Variants in TRABD2B observed in about 807,000 individuals in gnomAD.
TRABD2B encodes TraB domain containing 2B, also known as metalloprotease TIKI2.
Under a neutral mutation model 40.1 loss-of-function variants are expected in TRABD2B, and 14 were observed. The observed-to-expected ratio is 0.35, with a 90% confidence interval of 0.23 to 0.55. The LOEUF is 0.55. TRABD2B is among the 20% of genes least tolerant of loss of function. The probability of loss-of-function intolerance (pLI) is 0.90; values close to 1 mark genes in which losing one functional copy is unlikely to be tolerated. For missense variants in TRABD2B, 541 were observed against 648.6 expected (o/e 0.83, Z 1.80); for synonymous variants, 263 against 277.0 (o/e 0.95, Z 0.50).
chr1:47,910,386 G>A lies in TRABD2B; in HGVS notation c.666+83648C>T, dbSNP rs186145676. ...TTCCTGACTACTCAGCCAGGATCAGGGACTCCTCCTGTCAGCTTTCACAGC... is the reference window on the plus strand; with the variant it reads ...TTCCTGACTACTCAGCCAGGATCAGAGACTCCTCCTGTCAGCTTTCACAGC... On this transcript the variant is annotated intron_variant, in intron 2 of 6. Coordinates refer to ENST00000606738, the MANE Select transcript of TRABD2B (RefSeq NM_001194986.2). Among the ~76,000 whole-genome samples the A allele has an allele frequency of 1.6e-3, 237 of 152,244 alleles. 1 individual carries two copies. The highest frequency in any genetic ancestry group is 5.2e-3 in the African/African-American group (214 of 41,538).
chr1:47,871,286 C>A (rs1226239929), intron 2 of TRABD2B, among the ~76,000 whole-genome samples: 2 of 152,118 alleles, frequency 1.3e-5, no homozygotes, highest in Non-Finnish European at 2.9e-5. Flanking sequence ...CAGGAAACCC[C>A]AGCATACGCC....
chr1:47,793,264 G>T (rs763433777), intron 4 of TRABD2B, among the ~76,000 whole-genome samples: 1 of 152,160 alleles, frequency 6.6e-6, no homozygotes, highest in Non-Finnish European at 1.5e-5. Flanking sequence ...GCCACAACAG[G>T]CCACAGCAGA....
intron 3 of TRABD2B, among the ~76,000 whole-genome samples, chr1:47,799,782 G>C (rs909810659): frequency 1.3e-5 from 2 of 151,986 alleles, no homozygotes; most frequent in Non-Finnish European, 2.9e-5. Flanking sequence ...GTTCTTCCAT[G>C]CCCTCTCATC....
intron 2 of TRABD2B, among the ~76,000 whole-genome samples, chr1:47,915,194 G>C (rs1305320302): frequency 6.6e-6 from 1 of 152,220 alleles, no homozygotes; most frequent in Non-Finnish European, 1.5e-5. Flanking sequence ...TGGGCAGATG[G>C]AACATCATGC....
At chr1:47,981,017 T>C (rs1645833497) in intron 2 of TRABD2B, among the ~76,000 whole-genome samples, 1 of 152,102 alleles carries the variant, frequency 6.6e-6, no homozygotes, top group Non-Finnish European at 1.5e-5. Flanking sequence ...CTTTTTTCTT[T>C]TCTTTTTTTT....
chr1:47,880,514 G>A (rs1177390068), intron 2 of TRABD2B, among the ~76,000 whole-genome samples: 1 of 152,214 alleles, frequency 6.6e-6, no homozygotes, highest in Non-Finnish European at 1.5e-5. Flanking sequence ...TTGTGACACA[G>A]CATGGAACGC....
chr1:47,877,108 CAGAA>C (rs1457468190), intron 2 of TRABD2B, among the ~76,000 whole-genome samples: 1 of 150,376 alleles, frequency 6.6e-6, no homozygotes, highest in African/African-American at 2.5e-5. Flanking sequence ...AAGAGGCACT[CAGAA>C]AGGGACATCT....
intron 2 of TRABD2B, among the ~76,000 whole-genome samples, chr1:47,962,968 A>T (rs892756605): frequency 2.6e-5 from 4 of 152,186 alleles, no homozygotes; most frequent in African/African-American, 9.6e-5. Flanking sequence ...CGTGAAACAC[A>T]ATTAGCCTCC....
At chr1:47,915,463 G>A (rs1052738888) in intron 2 of TRABD2B, among the ~76,000 whole-genome samples, 2 of 152,156 alleles carry the variant, frequency 1.3e-5, no homozygotes, top group African/African-American at 4.8e-5. Context: ...ATGTGTATAC[G>A]CTGCCTGGCC....
chr1:47,775,026 G>T, intron 6 of TRABD2B, 144 bp downstream of exon 6: 1 of 672,450 alleles, frequency 1.5e-6, no homozygotes, highest in Non-Finnish European at 2.1e-6. Flanking sequence ...AATCAGATGG[G>T]AACGTGCTGT....
intron 2 of TRABD2B, among the ~76,000 whole-genome samples, chr1:47,852,607 A>C (rs1643826286): frequency 6.6e-6 from 1 of 152,288 alleles, no homozygotes; most frequent in Admixed American, 6.5e-5. Flanking sequence ...CAGACTCTCA[A>C]AGCACGCTGT....
chr1:47,948,191 G>C (rs1043032524), intron 2 of TRABD2B, among the ~76,000 whole-genome samples: 3 of 152,172 alleles, frequency 2.0e-5, no homozygotes, highest in Admixed American at 2.0e-4. Flanking sequence ...GGACAGTGGG[G>C]ATAGAGAGAC....
intron 2 of TRABD2B, among the ~76,000 whole-genome samples, chr1:47,823,142 G>A (rs769456064): frequency 2.0e-5 from 3 of 152,240 alleles, no homozygotes; most frequent in East Asian, 1.9e-4. Flanking sequence ...CCCCTGGGAC[G>A]CCACAGGTTC....
In TRABD2B at chr1:47,963,639, T is replaced by C. The variant is rs187002098; in HGVS notation, c.666+30395A>G. Among the ~76,000 whole-genome samples the C allele has an allele frequency of 5.3e-5, 8 of 152,338 alleles. No homozygotes were observed. In the East Asian group the frequency reaches 1.5e-3, roughly 29 times the overall value. On this transcript the variant is annotated intron_variant, in intron 2 of 6. Transcript: ENST00000606738. ...GGCCTTTGAACATTTGGGTTATTTATTTATTTGCTTCCAGTCCTTGTGCAG... is the reference window on the plus strand; with the variant it reads ...GGCCTTTGAACATTTGGGTTATTTACTTATTTGCTTCCAGTCCTTGTGCAG...
At chr1:47,903,657 C>T (rs1644635641) in intron 2 of TRABD2B, among the ~76,000 whole-genome samples, 2 of 152,138 alleles carry the variant, frequency 1.3e-5, no homozygotes, top group Non-Finnish European at 2.9e-5. Context: ...TACCACAGGG[C>T]TTCCTGGGCA....
rs147570180 is a variant in TRABD2B, at chr1:47,798,943, C to T, written c.813+2530G>A. Among the ~76,000 whole-genome samples, 262 of 152,354 alleles carry T rather than the reference C, an allele frequency of 1.7e-3. 4 individuals are homozygous for T. The highest frequency in any genetic ancestry group is 5.2e-3 in the African/African-American group (216 of 41,578). On this transcript the variant is annotated intron_variant, in intron 3 of 6. Transcript: ENST00000606738. ...GGGGTAGGGTTGCCTAGCCCCTCCT[C>T]AAGCGACTAGATTCTATCTGTGCAT... is the stretch of plus-strand genomic sequence containing the variant.
rs1256750282 is a variant in TRABD2B at position 47,765,582 on chromosome 1, C to T, written c.*320G>A. On this transcript the variant is annotated 3_prime_UTR_variant, in exon 7 of 7. Coordinates refer to ENST00000606738, the MANE Select transcript of TRABD2B (RefSeq NM_001194986.2). ...GAGGTCACTGATGTCCCGGGTTCCC[C>T]TCCCGGGCCAGCACTAGGGCTAGGG... 19 of 368,410 alleles carry T rather than the reference C, an allele frequency of 5.2e-5. No homozygotes were observed. Among genetic ancestry groups the T allele is most frequent in the Non-Finnish European group, 8.6e-5 (17 of 198,148 alleles). 22.8% of individuals were successfully genotyped at this position (368,410 alleles called of 1,614,324 possible).
rs1158357329 is a variant in TRABD2B, at chr1:47,764,106, C to A, written c.*1796G>T. 7.9e-5 allele frequency: 12 copies of A among 152,224 alleles called. No individual in the cohort carries two copies. 9.4% of individuals were successfully genotyped at this position (152,224 alleles called of 1,614,324 possible). The stretch of plus-strand genomic sequence containing the variant: ...CATCCCATGAGCTGCCCAGAACTTG[C>A]CGTCTCAGAAGGGAGATAGCTGCCA... On this transcript the variant is annotated 3_prime_UTR_variant, in exon 7 of 7. Transcript: ENST00000606738.
chr1:47,797,223 A>G (rs968335778), intron 3 of TRABD2B, among the ~76,000 whole-genome samples: 2 of 152,224 alleles, frequency 1.3e-5, no homozygotes, highest in Admixed American at 1.3e-4. Flanking sequence ...TATTGTAGGG[A>G]TTAAACAAGA....
Sources: allele counts gnomAD v4.1 joint callset (sites outside exome capture counted in the v4.1 genomes callset), GRCh38; gene constraint gnomAD v4.1.1; transcripts MANE v1.5; gene names NCBI Gene and HGNC (gene_info 2026-07-23, HGNC 2026-07-21).